Variants in GALM observed in about 807,000 individuals in gnomAD.
GALM encodes the protein aldose 1-epimerase.
A neutral mutation model predicts 37.4 loss-of-function variants in GALM; 43 were observed. The ratio of observed to expected loss-of-function variants is 1.15; its 90% CI spans 0.90 to 1.48. GALM has a LOEUF of 1.48. GALM is among the 40% of genes most tolerant of loss of function. GALM has a pLI of 0.00. For synonymous variants in GALM, 199 were observed against 170.6 expected, an observed-to-expected ratio of 1.17 and a Z score of -1.30; for missense variants, 456 against 419.1, an observed-to-expected ratio of 1.09 and a Z score of -0.77.
At position 38,666,133 on chromosome 2, in the gene GALM, G is replaced by T. The variant is rs1239260965; in HGVS notation, c.-29G>T. ...GCGAGCGCTGGAGTTTGAAGAGCGG[G>T]CAGTGGCTGCACACGCCAAACTTTC... On this transcript the variant is annotated 5_prime_UTR_variant, in exon 1 of 7. Transcript: ENST00000272252. The T allele has an allele frequency of 3.1e-6, 5 of 1,588,848 alleles. No homozygotes were observed. The highest frequency in any genetic ancestry group is 4.3e-6 in the Non-Finnish European group (5 of 1,165,684).
At chr2:38,723,999 A>G (rs1666434429) in intron 4 of GALM, among the ~76,000 whole-genome samples, 2 of 152,006 alleles carry the variant, frequency 1.3e-5, no homozygotes, top group Non-Finnish European at 2.9e-5. Flanking sequence ...AGCTCACTGC[A>G]AGCTCCACCT....
intron 3 of GALM, among the ~76,000 whole-genome samples, chr2:38,685,969 T>A (rs1246778173): frequency 1.3e-5 from 2 of 152,034 alleles, no homozygotes; most frequent in Non-Finnish European, 1.5e-5. Context: ...CATCTCGGCC[T>A]CCCAAACTTC....
chr2:38,678,141 C>A (rs916688555), intron 2 of GALM, among the ~76,000 whole-genome samples: 4 of 151,938 alleles, frequency 2.6e-5, no homozygotes, highest in Admixed American at 6.6e-5. Context: ...CTCAGCCTCC[C>A]AAGTAGCTGG....
chr2:38,725,767 A>T (rs557344555), intron 4 of GALM, among the ~76,000 whole-genome samples: 2 of 151,720 alleles, frequency 1.3e-5, no homozygotes, highest in East Asian at 3.9e-4. Flanking sequence ...TCTGGAGTGC[A>T]GTGGTGAAAT....
At chr2:38,707,338 TCTGAGGACCAAAC>T (rs1018285759) in intron 4 of GALM, among the ~76,000 whole-genome samples, 22 of 152,056 alleles carry the variant, frequency 1.4e-4, no homozygotes, top group African/African-American at 5.3e-4. Context: ...AGAGCAGTGG[TCTGAGGACCAAAC>T]CCTGGGAAAC....
chr2:38,732,348 G>A (rs1666626200), intron 6 of GALM, among the ~76,000 whole-genome samples: 1 of 152,188 alleles, frequency 6.6e-6, no homozygotes, highest in South Asian at 2.1e-4. Context: ...GTGAGCCACT[G>A]TGCCCGGCTC....
chr2:38,684,662 C>G (rs1341011427), intron 3 of GALM, among the ~76,000 whole-genome samples: 2 of 152,122 alleles, frequency 1.3e-5, no homozygotes, highest in Non-Finnish European at 2.9e-5. Flanking sequence ...AAAAAATTAG[C>G]TGGGCGTTGT....
At chr2:38,718,396 G>A (rs1323064009) in intron 4 of GALM, among the ~76,000 whole-genome samples, 2 of 150,986 alleles carry the variant, frequency 1.3e-5, no homozygotes, top group African/African-American at 2.4e-5. Context: ...ACGGGGTTTC[G>A]CTATGTTAGC....
At chr2:38,685,248 C>G (rs545556331) in intron 3 of GALM, among the ~76,000 whole-genome samples, 166 of 152,260 alleles carry the variant, frequency 1.1e-3, no homozygotes, top group African/African-American at 3.9e-3. Context: ...CAAAATTTGC[C>G]CTCTGGAAAT....
chr2:38,667,171 A>C (rs1001465295), intron 1 of GALM, among the ~76,000 whole-genome samples: 1 of 152,322 alleles, frequency 6.6e-6, no homozygotes, highest in African/African-American at 2.4e-5. Context: ...ACCATGGTGT[A>C]ACTAGACAGA....
intron 3 of GALM, among the ~76,000 whole-genome samples, chr2:38,685,572 T>C (rs1429257308): frequency 1.3e-5 from 2 of 152,214 alleles, no homozygotes; most frequent in East Asian, 3.9e-4. Context: ...GGCCTCAAGG[T>C]CTGTTTGTGA....
intron 4 of GALM, among the ~76,000 whole-genome samples, chr2:38,707,269 A>G (rs919740011): frequency 2.6e-5 from 4 of 152,184 alleles, no homozygotes; most frequent in African/African-American, 7.2e-5. Flanking sequence ...GGCATACATC[A>G]GCGTGTACTT....
intron 4 of GALM, among the ~76,000 whole-genome samples, chr2:38,697,962 T>A (rs1158502264): frequency 2.6e-5 from 4 of 151,768 alleles, no homozygotes; most frequent in Non-Finnish European, 5.9e-5. Context: ...TTTTTTTTTT[T>A]AGACAGAGTC....
chr2:38,701,386 A>G (rs1281139378), intron 4 of GALM, among the ~76,000 whole-genome samples: 2 of 152,114 alleles, frequency 1.3e-5, no homozygotes, highest in East Asian at 1.9e-4. Flanking sequence ...AGTAGTAGAT[A>G]AGGAATTAAG....
intron 3 of GALM, among the ~76,000 whole-genome samples, chr2:38,689,380 A>AG (rs1415184802): frequency 2.0e-5 from 3 of 152,092 alleles, no homozygotes; most frequent in Non-Finnish European, 4.4e-5. Context: ...ACTGGGCTAG[A>AG]GGGGGGTGCC....
intron 1 of GALM, among the ~76,000 whole-genome samples, chr2:38,674,344 G>A (rs769186747): frequency 2.6e-5 from 4 of 151,872 alleles, no homozygotes; most frequent in Admixed American, 6.6e-5. Flanking sequence ...CACAGGCCAC[G>A]ACACCCAGCT....
intron 4 of GALM, among the ~76,000 whole-genome samples, chr2:38,702,358 TAAAA>T (rs1328147800): frequency 6.7e-6 from 1 of 149,554 alleles, no homozygotes; most frequent in African/African-American, 2.5e-5. Context: ...TTTTAAAACT[TAAAA>T]AAAAAATTGA....
At chr2:38,679,408 T>A (rs887009055) in intron 2 of GALM, among the ~76,000 whole-genome samples, 1 of 152,028 alleles carries the variant, frequency 6.6e-6, no homozygotes, top group Non-Finnish European at 1.5e-5. Flanking sequence ...ATAAGTTAAC[T>A]CCACTGAACT....
At chr2:38,717,846 T>C (rs1025213237) in intron 4 of GALM, among the ~76,000 whole-genome samples, 12 of 145,016 alleles carry the variant, frequency 8.3e-5, no homozygotes, top group African/African-American at 2.0e-4. Context: ...AACCATTTTC[T>C]TTTTTTTTGA....
Sources: gnomAD v4.1 joint callset for allele counts (sites outside exome capture counted in the v4.1 genomes callset) on GRCh38, gnomAD v4.1.1 for gene constraint, MANE v1.5 for transcripts, NCBI Gene and HGNC (gene_info 2026-07-23, HGNC 2026-07-21) for gene names.